The following LY86 variants were observed in gnomAD, a reference collection of about 807,000 sequenced individuals.
The protein encoded by LY86 is MD-1, RP105-associated.
A neutral mutation model predicts 17.3 loss-of-function variants in LY86; 20 were observed. That is an observed-to-expected ratio of 1.15 (90% CI 0.81 to 1.68). LY86 has a LOEUF of 1.68. Ranked by LOEUF, LY86 falls within the 40% of genes most tolerant of loss-of-function variation. LY86 has a pLI of 0.00. For missense variants in LY86, 200 were observed against 191.9 expected (o/e 1.04, Z -0.25); for synonymous variants, 74 against 70.6 (o/e 1.05, Z -0.24).
chr6:6,600,387 C>G (rs1040428838), intron 1 of LY86, among the ~76,000 whole-genome samples: 13 of 151,900 alleles, frequency 8.6e-5, no homozygotes, highest in African/African-American at 3.1e-4. Flanking sequence ...GTCAGGAGTT[C>G]GAGATCAGTC....
At chr6:6,641,101 C>T (rs984363202) in intron 3 of LY86, among the ~76,000 whole-genome samples, 1 of 152,194 alleles carries the variant, frequency 6.6e-6, no homozygotes, top group African/African-American at 2.4e-5. Flanking sequence ...TCCCAGAACA[C>T]GCTGACCCTT....
intron 1 of LY86, among the ~76,000 whole-genome samples, chr6:6,597,231 AAG>A (rs1456514364): frequency 6.6e-6 from 1 of 152,210 alleles, no homozygotes; most frequent in Non-Finnish European, 1.5e-5. Context: ...AAGGAAAGCG[AAG>A]GTGGAAGAAC....
intron 1 of LY86, among the ~76,000 whole-genome samples, chr6:6,611,956 G>A (rs1761352298): frequency 6.6e-6 from 1 of 152,162 alleles, no homozygotes; most frequent in African/African-American, 2.4e-5. Context: ...CGTGTCCCAA[G>A]CAATCTACTT....
At chr6:6,591,521 G>C (rs184360423) in intron 1 of LY86, 1 of 153,868 alleles carries the variant, frequency 6.5e-6, no homozygotes, top group East Asian at 1.9e-4. Context: ...GAGGCTTAAA[G>C]ACTGATGAAA....
At chr6:6,643,593 T>C (rs1762069205) in intron 3 of LY86, among the ~76,000 whole-genome samples, 1 of 152,240 alleles carries the variant, frequency 6.6e-6, no homozygotes, top group Non-Finnish European at 1.5e-5. Context: ...TACAGCACAG[T>C]GACTACTGTT....
intron 2 of LY86, 75 bp from the exon 3 acceptor site, chr6:6,626,218 G>T (rs1761784396): frequency 6.9e-7 from 1 of 1,456,532 alleles, no homozygotes; most frequent in African/African-American, 1.4e-5. Context: ...AGCTCATGCT[G>T]CTGTATACTG....
intron 4 of LY86, 74 bp downstream of exon 4, chr6:6,649,751 A>G: frequency 6.5e-5 from 49 of 749,868 alleles, no homozygotes; most frequent in Non-Finnish European, 9.1e-5. Context: ...AAGGAGGGAA[A>G]GGAGGAGAAA....
chr6:6,645,066 C>T (rs1216980983), intron 3 of LY86, among the ~76,000 whole-genome samples: 1 of 152,068 alleles, frequency 6.6e-6, no homozygotes, highest in Non-Finnish European at 1.5e-5. Flanking sequence ...AATGAGCAAA[C>T]CCCGGGAGCA....
intron 3 of LY86, among the ~76,000 whole-genome samples, chr6:6,635,087 A>G (rs1761943133): frequency 6.6e-6 from 1 of 152,190 alleles, no homozygotes; most frequent in South Asian, 2.1e-4. Context: ...TTCACTGCAC[A>G]TACATTAACA....
intron 3 of LY86, among the ~76,000 whole-genome samples, chr6:6,644,621 C>G (rs1367437594): frequency 3.3e-5 from 5 of 150,552 alleles, no homozygotes; most frequent in African/African-American, 7.4e-5. Flanking sequence ...CAAAAAGACA[C>G]TCAGTGACAA....
chr6:6,603,594 A>AAAAAAC (rs770431806), intron 1 of LY86, among the ~76,000 whole-genome samples: 1 of 77,686 alleles, frequency 1.3e-5, no homozygotes, highest in African/African-American at 3.4e-5. Flanking sequence ...CCAAAAACAA[A>AAAAAAC]AACAGAAACA....
chr6:6,611,691 C>G (rs781439713), intron 1 of LY86, among the ~76,000 whole-genome samples: 4 of 152,212 alleles, frequency 2.6e-5, no homozygotes, highest in Non-Finnish European at 4.4e-5. Context: ...GCGCGCCGGT[C>G]GTGTTTGTCC....
At chr6:6,608,348 T>G (rs1761248610) in intron 1 of LY86, among the ~76,000 whole-genome samples, 1 of 152,256 alleles carries the variant, frequency 6.6e-6, no homozygotes, top group Admixed American at 6.5e-5. Flanking sequence ...TTTCAAGAGA[T>G]AGCTAGCATG....
intron 3 of LY86, among the ~76,000 whole-genome samples, chr6:6,630,866 T>C (rs1361537141): frequency 6.6e-6 from 1 of 152,176 alleles, no homozygotes; most frequent in Non-Finnish European, 1.5e-5. Context: ...TTTCAAAGCT[T>C]TAGTCTTAGA....
At position 6,624,966 on chromosome 6, in the gene LY86, C is replaced by G. The variant is rs747701104; in HGVS notation, c.177C>G (p.Ser59=). 2 of 1,564,920 alleles carry G rather than the reference C, an allele frequency of 1.3e-6. No individual in the cohort carries two copies. The highest frequency in any genetic ancestry group is 2.3e-5 in the South Asian group (2 of 87,084). ...TTGGCTTTTCTGTTGAAAAGTGTTCCAAGCAATTAAAATCAAATATCAACA... is the reference window on the plus strand; with the variant it reads ...TTGGCTTTTCTGTTGAAAAGTGTTCGAAGCAATTAAAATCAAATATCAACA... The part of the protein sequence containing the change: ...QDFGFSVEKC[S]KQLKSNINIR... Residue 59 remains serine (S), a synonymous_variant, in exon 2 of 5, where the codon TCC becomes TCG. Coordinates refer to ENST00000230568, the MANE Select transcript of LY86 (RefSeq NM_004271.4).
intron 1 of LY86, among the ~76,000 whole-genome samples, chr6:6,610,481 G>A (rs978004715): frequency 2.0e-5 from 3 of 152,204 alleles, no homozygotes; most frequent in African/African-American, 7.2e-5. Context: ...GGTACAGGAA[G>A]GAAGCATGAA....
intron 1 of LY86, among the ~76,000 whole-genome samples, chr6:6,610,462 G>A (rs1761303608): frequency 6.6e-6 from 1 of 152,224 alleles, no homozygotes; most frequent in Non-Finnish European, 1.5e-5. Flanking sequence ...TGGGGCATCT[G>A]AGAAGCCTGG....
intron 1 of LY86, among the ~76,000 whole-genome samples, chr6:6,611,635 C>T (rs1415630311): frequency 2.6e-5 from 4 of 152,238 alleles, no homozygotes; most frequent in African/African-American, 9.6e-5. Flanking sequence ...TCCTGTCACC[C>T]ACACTGGTGC....
chr6:6,640,723 AC>A (rs1279581250), intron 3 of LY86, among the ~76,000 whole-genome samples: 20 of 151,870 alleles, frequency 1.3e-4, no homozygotes, highest in African/African-American at 4.3e-4. Context: ...TAAAAACAAA[AC>A]AAAACAAAAA....
Sources: allele counts gnomAD v4.1 joint callset (sites outside exome capture counted in the v4.1 genomes callset), GRCh38; gene constraint gnomAD v4.1.1; transcripts MANE v1.5; gene names NCBI Gene and HGNC (gene_info 2026-07-23, HGNC 2026-07-21).